The following ZFYVE27 variants were observed in gnomAD, a reference collection of about 807,000 sequenced individuals.
ZFYVE27 encodes the protein zinc finger FYVE-type containing 27, also known as protrudin.
ZFYVE27 carries 36 observed loss-of-function variants against 52.8 expected under a neutral mutation model. The ratio of observed to expected loss-of-function variants is 0.68; its 90% CI spans 0.52 to 0.90. The LOEUF is 0.90. Ranked by LOEUF, ZFYVE27 falls within the 40% of genes least tolerant of loss-of-function variation. ZFYVE27 has a pLI of 0.00. For missense variants in ZFYVE27, 450 were observed against 527.2 expected (o/e 0.85, Z 1.43); for synonymous variants, 223 against 215.6 (o/e 1.03, Z -0.30).
intron 12 of ZFYVE27, 189 bp downstream of exon 12, chr10:97,757,912 G>A (rs1421573092): frequency 1.7e-6 from 1 of 593,434 alleles, no homozygotes; most frequent in Non-Finnish European, 3.0e-6. Flanking sequence ...TAGATATGAT[G>A]TACCTGTGAA....
rs749767485 is a variant in ZFYVE27, at chr10:97,759,997, G to T, written c.*697G>T. 1.3e-5 allele frequency: 2 copies of T among 154,602 alleles called. No individual in the cohort carries two copies. Among genetic ancestry groups the T allele is most frequent in the South Asian group, 4.0e-4 (2 of 4,978 alleles). 9.6% of individuals were successfully genotyped at this position (154,602 alleles called of 1,614,324 possible). On this transcript the variant is annotated 3_prime_UTR_variant, in exon 13 of 13. Transcript: ENST00000684270. ...AGCCCCAATAGCTGGACAGACCTCG[G>T]CCTCCCCTCGAAGACACCTCAATTC...
At chr10:97,746,053 T>TATATATATATATATATATA (rs2045323960) in intron 4 of ZFYVE27, among the ~76,000 whole-genome samples, 1 of 120,132 alleles carries the variant, frequency 8.3e-6, no homozygotes, top group Non-Finnish European at 1.7e-5. Flanking sequence ...ATATATATAT[T>TATATATATATATATATATA]TTTTTTTTTT....
Position 97,752,752 on chromosome 10 carries a change from G to T in ZFYVE27, c.877-105G>T, listed in dbSNP as rs1351178353. ...GGAAGTGCGCAGAGCTCAGAGCAGC[G>T]CTTCCATGCTTCCTTCTGCTTGGGG... On this transcript the variant is annotated intron_variant, in intron 8 of 12. Transcript: ENST00000684270. 8.6e-6 allele frequency: 11 copies of T among 1,286,474 alleles called. No individual in the cohort carries two copies. The Admixed American group carries it at 1.8e-4, about 21-fold the overall frequency. The allele number at this position is 1,286,474 out of a possible 1,614,324, so 79.7% of individuals were successfully genotyped here. A position where few individuals can be genotyped will look rare whatever the true frequency, so the allele number is the denominator to read the frequency against.
intron 2 of ZFYVE27, among the ~76,000 whole-genome samples, chr10:97,742,655 C>G (rs1253893543): frequency 6.6e-6 from 1 of 151,978 alleles, no homozygotes; most frequent in African/African-American, 2.4e-5. Context: ...CCAAAGAAGT[C>G]CACAATTTGT....
Position 97,759,462 on chromosome 10 carries a change from G to C in ZFYVE27, c.*162G>C. The C allele has an allele frequency of 1.3e-6, 1 of 764,160 alleles. No homozygotes were observed. Among genetic ancestry groups the C allele is most frequent in the Non-Finnish European group, 2.3e-6 (1 of 440,906 alleles). 47.3% of individuals were successfully genotyped at this position (764,160 alleles called of 1,614,324 possible). A position where few individuals can be genotyped will look rare whatever the true frequency, so the allele number is the denominator to read the frequency against. On this transcript the variant is annotated 3_prime_UTR_variant, in exon 13 of 13. Transcript: ENST00000684270. ...TCACTCTCTCCAGCTGGATTCTGGA[G>C]CTGTTCTCCATCCATGAGAGTGGCT...
In ZFYVE27 at chr10:97,748,419, C is replaced by T. The variant is rs1347006164; in HGVS notation, c.551+55C>T. 28 of 1,570,838 alleles carry T rather than the reference C, an allele frequency of 1.8e-5. 1 individual carries two copies. Among genetic ancestry groups the T allele is most frequent in the East Asian group, 6.9e-5 (3 of 43,464 alleles). On this transcript the variant is annotated intron_variant, in intron 5 of 12. Transcript: ENST00000684270. ...CCTATAGGAATTTGCAGCTTGAGCC[C>T]GAGCAAAGCCAGCTGCCTTGAGAGG...
chr10:97,758,054 T>C (rs2048838287), intron 12 of ZFYVE27: 1 of 211,950 alleles, frequency 4.7e-6, no homozygotes, highest in South Asian at 1.7e-4. Flanking sequence ...GCCGCAATTT[T>C]AATCTTTTTC....
chr10:97,758,388 G>A (rs1204849622), intron 12 of ZFYVE27, among the ~76,000 whole-genome samples: 2 of 150,724 alleles, frequency 1.3e-5, no homozygotes, highest in Non-Finnish European at 3.0e-5. Flanking sequence ...CAGTGGTACG[G>A]CCTTGGCTCA....
rs1589995741 is a variant in ZFYVE27 at position 97,741,028 on chromosome 10, C to T, written c.198-2066C>T. 2.6e-5 allele frequency among the ~76,000 whole-genome samples: 4 copies of T among 152,266 alleles called. No individual in the cohort carries two copies. In the South Asian group the frequency reaches 8.3e-4, roughly 32 times the overall value. ...TATTTCGCTTTTACCCTGGTAGCTGCCACTAGAGGTTCTGAGGCGTAATTA... is the reference window on the plus strand; with the variant it reads ...TATTTCGCTTTTACCCTGGTAGCTGTCACTAGAGGTTCTGAGGCGTAATTA... On this transcript the variant is annotated intron_variant, in intron 2 of 12. Coordinates refer to ENST00000684270, the MANE Select transcript of ZFYVE27 (RefSeq NM_001385875.1).
At chr10:97,754,096 A>G (rs1206101826) in intron 10 of ZFYVE27, among the ~76,000 whole-genome samples, 1 of 152,088 alleles carries the variant, frequency 6.6e-6, no homozygotes, top group Non-Finnish European at 1.5e-5. Flanking sequence ...GGAGCAGGGT[A>G]AGGGGGCAGT....
intron 5 of ZFYVE27, 128 bp from the exon 6 acceptor site, chr10:97,749,346 C>T (rs970023444): frequency 4.4e-5 from 33 of 754,498 alleles, no homozygotes; most frequent in Middle Eastern, 2.9e-4. Flanking sequence ...GTTTGATGAG[C>T]GGCTCTTGTC....
intron 4 of ZFYVE27, 146 bp downstream of exon 4, chr10:97,745,061 A>T: frequency 1.0e-6 from 1 of 980,812 alleles, no homozygotes; most frequent in Non-Finnish European, 1.5e-6. Flanking sequence ...GGAGGTAGTT[A>T]ATATTAACAT....
At chr10:97,741,236 A>G (rs1211287241) in intron 2 of ZFYVE27, among the ~76,000 whole-genome samples, 1 of 152,188 alleles carries the variant, frequency 6.6e-6, no homozygotes, top group Non-Finnish European at 1.5e-5. Flanking sequence ...CAGAAATACC[A>G]TTTTACCCAG....
chr10:97,750,360 C>G lies in ZFYVE27; in HGVS notation c.694C>G (p.Gln232Glu). Reference protein sequence around the residue: ...VVSEYRASLQQRMNPKQEEHA... With the variant: ...VVSEYRASLQERMNPKQEEHA... Reference sequence around the variant, plus strand: ...GTCTGAGTACAGGGCATCTCTGCAGCAGAGGATGAACCCAAAGCAGGAAGA... The same window carrying G: ...GTCTGAGTACAGGGCATCTCTGCAGGAGAGGATGAACCCAAAGCAGGAAGA... Residue 232 changes from glutamine to glutamate, a missense_variant, in exon 7 of 13, where the codon CAG becomes GAG. Gln to Glu is a conservative substitution (Grantham distance 29). Transcript: ENST00000684270. The G allele has an allele frequency of 1.9e-6, 3 of 1,614,160 alleles. No homozygotes were observed. The highest frequency in any genetic ancestry group is 2.5e-6 in the Non-Finnish European group (3 of 1,180,022).
chr10:97,756,225 CT>C (rs1590103224), intron 10 of ZFYVE27, among the ~76,000 whole-genome samples: 1 of 152,184 alleles, frequency 6.6e-6, no homozygotes, highest in East Asian at 1.9e-4. Flanking sequence ...AGCCAGTTTC[CT>C]GGTTTGGCAC....
At position 97,746,930 on chromosome 10, in the gene ZFYVE27, A is replaced by G. The variant is rs142810120; in HGVS notation, c.456-1339A>G. Among the ~76,000 whole-genome samples, 799 of 152,152 alleles carry G rather than the reference A, an allele frequency of 5.3e-3. 16 individuals are homozygous for G. The highest frequency in any genetic ancestry group is 2.3e-3 in the Non-Finnish European group (154 of 67,994). On this transcript the variant is annotated intron_variant, in intron 4 of 12. Coordinates refer to ENST00000684270, the MANE Select transcript of ZFYVE27 (RefSeq NM_001385875.1). ...GGCCTTGAATTCCTGGGCTCTAGCA[A>G]TCCTCCTGCTTCAGCCTCCCAAAGT...
rs1030348595 is a variant in ZFYVE27 at position 97,749,601 on chromosome 10, G to A, written c.664+15G>A. Reference sequence around the variant, plus strand: ...GTTCTTCCGAGGTAAGCCCTGAAGGGCCTGAAAGATGGGGCCCAAGCTGGC... The same window carrying A: ...GTTCTTCCGAGGTAAGCCCTGAAGGACCTGAAAGATGGGGCCCAAGCTGGC... On this transcript the variant is annotated intron_variant, in intron 6 of 12. Transcript: ENST00000684270. The A allele has an allele frequency of 9.3e-6, 15 of 1,608,562 alleles. No individual in the cohort carries two copies. Among genetic ancestry groups the A allele is most frequent in the African/African-American group, 1.3e-5 (1 of 74,790 alleles).
intron 8 of ZFYVE27, 36 bp from the exon 9 acceptor site, chr10:97,752,820 CT>C (rs1564828704): frequency 6.2e-7 from 1 of 1,610,166 alleles, no homozygotes; most frequent in Non-Finnish European, 8.5e-7. Flanking sequence ...CTTTTTCTTT[CT>C]GTTTTCTCTC....
Position 97,738,620 on chromosome 10 carries a change from A to T in ZFYVE27, c.143A>T (p.Glu48Val), listed in dbSNP as rs2042735506. The T allele has an allele frequency of 1.9e-6, 3 of 1,614,066 alleles. No homozygotes were observed. In the South Asian group the frequency reaches 3.3e-5, roughly 18 times the overall value. The change falls in exon 2 of 13, where the codon GAG (glutamate) becomes GTG (valine). Residue 48 changes from glutamate to valine, a missense_variant. By Grantham distance (121) the Glu-to-Val change is moderately radical (BLOSUM62 -2). Coordinates refer to ENST00000684270, the MANE Select transcript of ZFYVE27 (RefSeq NM_001385875.1). ...TTGGTTCTCTCCTACAAGAGGCTGGAGATCTACCTGGAACCCTTGAAGGAT... is the reference window on the plus strand; with the variant it reads ...TTGGTTCTCTCCTACAAGAGGCTGGTGATCTACCTGGAACCCTTGAAGGAT... ...FNLVLSYKRLEIYLEPLKDAG... is the reference protein window; with the variant it reads ...FNLVLSYKRLVIYLEPLKDAG...
Sources: allele counts gnomAD v4.1 joint callset (sites outside exome capture counted in the v4.1 genomes callset), GRCh38; gene constraint gnomAD v4.1.1; transcripts MANE v1.5; gene names NCBI Gene and HGNC (gene_info 2026-07-23, HGNC 2026-07-21).